CADM2: variants seen among roughly 807,000 people sequenced by gnomAD.
CADM2 encodes the protein cell adhesion molecule 2.
In CADM2, 12 loss-of-function variants were observed where a neutral mutation model predicts 49.8. That is an observed-to-expected ratio of 0.24 (90% CI 0.15 to 0.39). The LOEUF is 0.39. Ranked by LOEUF, CADM2 falls within the 10% of genes least tolerant of loss-of-function variation. CADM2 has a pLI of 1.00. For synonymous variants in CADM2, 214 were observed against 175.4 expected (o/e 1.22, Z -1.74); for missense variants, 378 against 492.3 (o/e 0.77, Z 2.20).
intron 1 of CADM2, among the ~76,000 whole-genome samples, chr3:85,153,920 A>T (rs2040015576): frequency 6.6e-6 from 1 of 152,180 alleles, no homozygotes; most frequent in South Asian, 2.1e-4. Context: ...AAGGACATCC[A>T]CACCAAAAAC....
chr3:85,163,674 T>A (rs1255267483), intron 1 of CADM2, among the ~76,000 whole-genome samples: 1 of 152,096 alleles, frequency 6.6e-6, no homozygotes, highest in Non-Finnish European at 1.5e-5. Context: ...CAGTTCTTAC[T>A]CATTTATCTT....
intron 1 of CADM2, among the ~76,000 whole-genome samples, chr3:85,243,540 T>C (rs1272937525): frequency 1.3e-5 from 2 of 152,080 alleles, no homozygotes; most frequent in African/African-American, 2.4e-5. Context: ...AATAATACTT[T>C]GCATTTGTGA....
chr3:85,495,005 A>T (rs1245832141), intron 1 of CADM2, among the ~76,000 whole-genome samples: 1 of 152,192 alleles, frequency 6.6e-6, no homozygotes, highest in Non-Finnish European at 1.5e-5. Context: ...ACCAGTCGAT[A>T]GTGCATTTTT....
chr3:85,555,707 GGTTGCCATTT>G (rs1207103476), intron 1 of CADM2, among the ~76,000 whole-genome samples: 1 of 151,852 alleles, frequency 6.6e-6, no homozygotes, highest in Non-Finnish European at 1.5e-5. Flanking sequence ...TACAGCTTTA[GGTTGCCATTT>G]GTTCCAAGGG....
At chr3:85,551,932 T>C (rs1297226738) in intron 1 of CADM2, among the ~76,000 whole-genome samples, 2 of 152,216 alleles carry the variant, frequency 1.3e-5, no homozygotes, top group Non-Finnish European at 2.9e-5. Context: ...ACAAAGGTGA[T>C]GGTAATTCCT....
intron 3 of CADM2, among the ~76,000 whole-genome samples, chr3:85,876,895 C>T (rs1251764961): frequency 6.6e-6 from 1 of 152,060 alleles, no homozygotes; most frequent in Non-Finnish European, 1.5e-5. Context: ...GTCTGAAATC[C>T]TCCAATTAGT....
chr3:85,825,149 A>G (rs915878530), intron 3 of CADM2, among the ~76,000 whole-genome samples: 1 of 152,136 alleles, frequency 6.6e-6, no homozygotes, highest in African/African-American at 2.4e-5. Context: ...TAAGCATCTG[A>G]GAACAGCATA....
chr3:85,225,723 T>A (rs2042143741), intron 1 of CADM2, among the ~76,000 whole-genome samples: 1 of 152,218 alleles, frequency 6.6e-6, no homozygotes, highest in South Asian at 2.1e-4. Context: ...TTCAGTATGA[T>A]ATTGGCTGTT....
chr3:85,369,318 A>G (rs1469831851), intron 1 of CADM2, among the ~76,000 whole-genome samples: 6 of 152,232 alleles, frequency 3.9e-5, no homozygotes, highest in Non-Finnish European at 8.8e-5. Flanking sequence ...TCATGACTAC[A>G]TATATGATGG....
chr3:85,580,868 A>G (rs532714688), intron 1 of CADM2, among the ~76,000 whole-genome samples: 85 of 152,240 alleles, frequency 5.6e-4, no homozygotes, highest in African/African-American at 2.0e-3. Context: ...ACAGTTTAGA[A>G]CAGAATTTGT....
intron 1 of CADM2, among the ~76,000 whole-genome samples, chr3:85,645,868 C>T (rs957555016): frequency 2.6e-5 from 4 of 151,904 alleles, no homozygotes; most frequent in Admixed American, 6.6e-5. Context: ...TAAGAAAATA[C>T]GTTATTAATA....
chr3:85,077,300 G>A (rs1197534693), intron 1 of CADM2, among the ~76,000 whole-genome samples: 1 of 152,092 alleles, frequency 6.6e-6, no homozygotes, highest in Non-Finnish European at 1.5e-5. Flanking sequence ...TTATTGGAAA[G>A]GGTGACTAAG....
At chr3:85,805,567 G>T (rs1380952315) in intron 3 of CADM2, 1 of 151,986 alleles carries the variant, frequency 6.6e-6, no homozygotes, top group Non-Finnish European at 1.5e-5. Flanking sequence ...TAGTTGAAGG[G>T]ATTCTTGGAC....
intron 1 of CADM2, among the ~76,000 whole-genome samples, chr3:85,536,952 C>CA (rs565905870): frequency 4.4e-4 from 65 of 148,130 alleles, no homozygotes; most frequent in African/African-American, 1.1e-3. Flanking sequence ...CACAGCATGG[C>CA]AAAAAAAAAT....
intron 1 of CADM2, among the ~76,000 whole-genome samples, chr3:85,460,081 C>T (rs1228234773): frequency 6.6e-6 from 1 of 152,126 alleles, no homozygotes; most frequent in Non-Finnish European, 1.5e-5. Context: ...TATTCTCCGT[C>T]ATATCTTGAT....
intron 2 of CADM2, among the ~76,000 whole-genome samples, chr3:85,754,276 C>T (rs1457466485): frequency 6.6e-6 from 1 of 152,154 alleles, no homozygotes; most frequent in Admixed American, 6.6e-5. Flanking sequence ...TGGGAGACTG[C>T]CATTCCCTGA....
intron 1 of CADM2, among the ~76,000 whole-genome samples, chr3:85,687,443 A>G (rs1208447135): frequency 6.6e-6 from 1 of 152,176 alleles, no homozygotes; most frequent in African/African-American, 2.4e-5. Flanking sequence ...AATGAAAGTA[A>G]TTAAAAATTG....
At chr3:84,988,203 C>T (rs895735320) in intron 1 of CADM2, among the ~76,000 whole-genome samples, 1 of 152,174 alleles carries the variant, frequency 6.6e-6, no homozygotes, top group African/African-American at 2.4e-5. Flanking sequence ...GAGAGAGAGG[C>T]ATTTGCTTCT....
At chr3:85,875,926 T>C (rs1711767926) in intron 3 of CADM2, among the ~76,000 whole-genome samples, 1 of 152,112 alleles carries the variant, frequency 6.6e-6, no homozygotes, top group African/African-American at 2.4e-5. Flanking sequence ...CATCTTCCCA[T>C]AGGTAGAACT....
Sources: gnomAD v4.1 joint callset for allele counts (sites outside exome capture counted in the v4.1 genomes callset) on GRCh38, gnomAD v4.1.1 for gene constraint, MANE v1.5 for transcripts, NCBI Gene and HGNC (gene_info 2026-07-23, HGNC 2026-07-21) for gene names.